The following PATJ variants were observed in gnomAD, a reference collection of about 807,000 sequenced individuals.
PATJ encodes the protein inaD-like protein.
In PATJ, 190 loss-of-function variants were observed where a neutral mutation model predicts 224.9. The ratio of observed to expected loss-of-function variants is 0.84; its 90% CI spans 0.75 to 0.95. The LOEUF (loss-of-function observed/expected upper bound fraction) is 0.95, where lower values mean the gene tolerates loss of function less well. Among genes scored for constraint, PATJ ranks in the 40% least tolerant of loss-of-function variants. PATJ has a pLI of 0.00. For missense variants in PATJ, 2,121 were observed against 2,270.3 expected (o/e 0.93, Z 1.34); for synonymous variants, 769 against 820.3 (o/e 0.94, Z 1.07).
chr1:61,965,240 G>A (rs756839295), intron 27 of PATJ, among the ~76,000 whole-genome samples: 1 of 142,056 alleles, frequency 7.0e-6, no homozygotes, highest in African/African-American at 2.6e-5. Context: ...AACTTTCTGA[G>A]TTTCAGTTTA....
At chr1:62,134,706 G>C (rs1666642742) in intron 41 of PATJ, among the ~76,000 whole-genome samples, 1 of 152,144 alleles carries the variant, frequency 6.6e-6, no homozygotes, top group Non-Finnish European at 1.5e-5. Context: ...AGAATAGGGA[G>C]TGCCTGGGTG....
At position 61,795,489 on chromosome 1, in the gene PATJ, G is replaced by T. The variant is rs1405151649; in HGVS notation, c.1191G>T (p.Val397=). 1 of 1,603,634 alleles carries T rather than the reference G, an allele frequency of 6.2e-7. No individual in the cohort carries two copies. The highest frequency in any genetic ancestry group is 8.5e-7 in the Non-Finnish European group (1 of 1,173,346). The change falls in exon 10 of 44, where the codon GTG becomes GTT. Residue 397 remains valine, a synonymous_variant. Coordinates refer to ENST00000642238, the MANE Select transcript of PATJ (RefSeq NM_001350145.3). ...SHTGEASGIY[V]KSIIPGSAAY... ...AAGGGGAAGCTTCAGGGATTTATGT[G>T]AAAAGTATAATACCTGGCAGTGCTG...
rs536204300 is a variant in PATJ at position 62,070,248 on chromosome 1, T to A, written c.4126-9202T>A. On this transcript the variant is annotated intron_variant, in intron 31 of 43. Transcript: ENST00000642238. ...CAATAGTTTCTGTTTACGAGGCAGG[T>A]TAGAGTTTTTCCTCTAAAAATTCCC... Among the ~76,000 whole-genome samples, 3 of 152,282 alleles carry A rather than the reference T, an allele frequency of 2.0e-5. No homozygotes were observed. The East Asian group carries it at 5.8e-4, about 29-fold the overall frequency.
chr1:61,771,324 G>A, intron 5 of PATJ, 107 bp from the exon 6 acceptor site: 2 of 556,640 alleles, frequency 3.6e-6, no homozygotes, highest in Admixed American at 3.8e-5. Flanking sequence ...TTTGATAAAT[G>A]TACTAAGTAA....
chr1:61,810,908 G>C (rs1005628155), intron 14 of PATJ, among the ~76,000 whole-genome samples: 1 of 151,894 alleles, frequency 6.6e-6, no homozygotes, highest in African/African-American at 2.4e-5. Context: ...TGGGCAACAA[G>C]AGGGAAACTC....
At chr1:61,856,709 C>G (rs1430723486) in intron 18 of PATJ, among the ~76,000 whole-genome samples, 1 of 152,172 alleles carries the variant, frequency 6.6e-6, no homozygotes, top group Non-Finnish European at 1.5e-5. Flanking sequence ...CTGCCTCAGC[C>G]TCTCAAGTAG....
chr1:61,799,460 G>C (rs966400854), intron 11 of PATJ, among the ~76,000 whole-genome samples: 9 of 152,140 alleles, frequency 5.9e-5, no homozygotes, highest in Non-Finnish European at 1.3e-4. Context: ...CTCCCAAAGT[G>C]CTTGGATTAC....
intron 27 of PATJ, among the ~76,000 whole-genome samples, chr1:61,986,859 CA>C (rs1246783915): frequency 5.9e-5 from 9 of 151,994 alleles, no homozygotes; most frequent in Non-Finnish European, 1.3e-4. Flanking sequence ...CATATTCATT[CA>C]TTAGTAGATG....
At chr1:62,122,512 A>G (rs1043390333) in intron 38 of PATJ, among the ~76,000 whole-genome samples, 2 of 151,616 alleles carry the variant, frequency 1.3e-5, no homozygotes, top group African/African-American at 4.8e-5. Flanking sequence ...TCTCAAACAG[A>G]GAGCACTTCT....
At chr1:62,089,733 C>G (rs910448325) in intron 33 of PATJ, among the ~76,000 whole-genome samples, 1 of 151,834 alleles carries the variant, frequency 6.6e-6, no homozygotes, top group Admixed American at 6.6e-5. Flanking sequence ...TACCATAGGT[C>G]ACATTTTCCA....
intron 27 of PATJ, among the ~76,000 whole-genome samples, chr1:61,954,341 A>C (rs922178095): frequency 6.6e-6 from 1 of 152,198 alleles, no homozygotes; most frequent in Admixed American, 6.5e-5. Context: ...TAGAATTATA[A>C]ATAAAGGATG....
chr1:61,788,458 C>T (rs1411124534), intron 8 of PATJ, among the ~76,000 whole-genome samples: 1 of 151,982 alleles, frequency 6.6e-6, no homozygotes, highest in East Asian at 1.9e-4. Context: ...GTAATTCTGC[C>T]AGATAGGCCT....
At chr1:61,920,702 C>CTTTTTTTTTTTTTTTTTTTTTTTTTTTT (rs71582652) in intron 26 of PATJ, among the ~76,000 whole-genome samples, 2 of 89,500 alleles carry the variant, frequency 2.2e-5, no homozygotes, top group Non-Finnish European at 4.2e-5. Context: ...GTATGGAATT[C>CTTTTTTTTTTTTTTTTTTTTTTTTTTTT]TTTTTTTTTT....
chr1:62,083,228 G>A (rs563018729), intron 32 of PATJ, among the ~76,000 whole-genome samples: 17 of 152,300 alleles, frequency 1.1e-4, no homozygotes, highest in Middle Eastern at 6.8e-3. Context: ...GGGCTCAAGC[G>A]ATTCTCCTGC....
At chr1:61,756,740 G>A (rs1002759722) in intron 1 of PATJ, among the ~76,000 whole-genome samples, 10 of 151,544 alleles carry the variant, frequency 6.6e-5, no homozygotes, top group South Asian at 4.2e-4. Context: ...CACCACGCCC[G>A]GATAATTTTT....
At chr1:61,901,963 C>T (rs1353038399) in intron 24 of PATJ, among the ~76,000 whole-genome samples, 1 of 152,162 alleles carries the variant, frequency 6.6e-6, no homozygotes, top group African/African-American at 2.4e-5. Context: ...TGGCTCATGC[C>T]TGTAATACCA....
intron 32 of PATJ, among the ~76,000 whole-genome samples, chr1:62,081,189 A>G (rs545871452): frequency 1.3e-5 from 2 of 152,298 alleles, no homozygotes; most frequent in African/African-American, 4.8e-5. Context: ...GAGTTTTGGT[A>G]ATATATATCA....
At position 61,899,648 on chromosome 1, in the gene PATJ, C is replaced by T. The variant is rs780301340; in HGVS notation, c.3197C>T (p.Pro1066Leu). The change falls in exon 23 of 44, where the codon CCG becomes CTG. Residue 1066 changes from proline to leucine, a missense_variant. By Grantham distance (98) the Pro-to-Leu change is moderately conservative. Transcript: ENST00000642238. ...ETPNFSHWGP[P>L]RIVEIFREPN... ...CCAAATTTTAGCCACTGGGGTCCAC[C>T]GAGAATGTATGTGGATGACATTATT... is the stretch of plus-strand genomic sequence containing the variant. The T allele has an allele frequency of 4.0e-5, 64 of 1,606,656 alleles. No individual in the cohort carries two copies. In the East Asian group the frequency reaches 8.3e-4, roughly 21 times the overall value.
At chr1:61,780,658 A>AT (rs34053510) in intron 7 of PATJ, among the ~76,000 whole-genome samples, 23 of 148,490 alleles carry the variant, frequency 1.5e-4, no homozygotes, top group East Asian at 3.9e-4. Context: ...TTGGAGTGGC[A>AT]TTTTTTTTTT....
Sources: gnomAD v4.1 joint callset for allele counts (sites outside exome capture counted in the v4.1 genomes callset) on GRCh38, gnomAD v4.1.1 for gene constraint, MANE v1.5 for transcripts, NCBI Gene and HGNC (gene_info 2026-07-23, HGNC 2026-07-21) for gene names.